The following SDHAF3 variants were observed in gnomAD, a reference collection of about 807,000 sequenced individuals.
SDHAF3 encodes the protein succinate dehydrogenase assembly factor 3, mitochondrial.
A neutral mutation model predicts 11.5 loss-of-function variants in SDHAF3; 18 were observed. The observed-to-expected ratio is 1.56, with a 90% confidence interval of 1.08 to 2.32. SDHAF3 has a LOEUF of 2.32. Among genes scored for constraint, SDHAF3 ranks in the 30% most tolerant of loss-of-function variants. The pLI, the probability that SDHAF3 is intolerant of heterozygous loss-of-function variation, is 0.00. For synonymous variants in SDHAF3, 72 were observed against 59.3 expected, an observed-to-expected ratio of 1.21 and a Z score of -0.99; for missense variants, 200 against 154.4, an observed-to-expected ratio of 1.30 and a Z score of -1.57.
intron 1 of SDHAF3, among the ~76,000 whole-genome samples, chr7:97,155,806 A>T (rs1165058130): frequency 1.3e-5 from 2 of 151,948 alleles, no homozygotes; most frequent in African/African-American, 4.8e-5. Context: ...ATATATATTT[A>T]TATATATTAT....
intron 1 of SDHAF3, among the ~76,000 whole-genome samples, chr7:97,121,583 A>G (rs970655633): frequency 6.6e-6 from 1 of 152,220 alleles, no homozygotes; most frequent in African/African-American, 2.4e-5. Context: ...GGCATTTAAG[A>G]CACAAAAATG....
intron 1 of SDHAF3, among the ~76,000 whole-genome samples, chr7:97,173,354 T>A (rs1789633649): frequency 6.6e-6 from 1 of 152,192 alleles, no homozygotes; most frequent in African/African-American, 2.4e-5. Flanking sequence ...AGAGAAAATA[T>A]AATGAACCAC....
intron 1 of SDHAF3, among the ~76,000 whole-genome samples, chr7:97,140,030 G>A (rs1789004808): frequency 6.6e-6 from 1 of 152,080 alleles, no homozygotes; most frequent in Admixed American, 6.5e-5. Flanking sequence ...TCTTTAACGT[G>A]ACATTAAAAA....
chr7:97,122,014 C>T (rs557835564), intron 1 of SDHAF3, among the ~76,000 whole-genome samples: 13 of 152,084 alleles, frequency 8.5e-5, no homozygotes, highest in East Asian at 1.9e-4. Context: ...CCCACCACTG[C>T]GCCCAGCTAA....
intron 1 of SDHAF3, among the ~76,000 whole-genome samples, chr7:97,140,262 C>T (rs906023486): frequency 2.6e-5 from 4 of 151,186 alleles, no homozygotes; most frequent in Admixed American, 2.0e-4. Context: ...GCTGTCAATT[C>T]TTAATTGATT....
intron 1 of SDHAF3, among the ~76,000 whole-genome samples, chr7:97,157,689 T>C (rs905151814): frequency 1.3e-5 from 2 of 152,056 alleles, no homozygotes; most frequent in African/African-American, 4.8e-5. Context: ...GTGGCACTAT[T>C]CACAATAGCA....
chr7:97,177,368 G>T (rs1789693434), intron 1 of SDHAF3, among the ~76,000 whole-genome samples: 1 of 151,862 alleles, frequency 6.6e-6, no homozygotes, highest in African/African-American at 2.4e-5. Context: ...TGGGCGTGAT[G>T]GTGGGCATCT....
rs557371846 is a variant in SDHAF3 at position 97,177,874 on chromosome 7, C to T, written c.175-3138C>T. Among the ~76,000 whole-genome samples the T allele has an allele frequency of 4.1e-4, 62 of 152,322 alleles. No homozygotes were observed. In the South Asian group the frequency reaches 4.6e-3, roughly 11 times the overall value. On this transcript the variant is annotated intron_variant, in intron 1 of 1. Transcript: ENST00000432641. ...ACATTTATAGTACCTGCTTTAAAAT[C>T]TATCTCTGCTTATTCTAATGTCTGA... is the stretch of plus-strand genomic sequence containing the variant.
chr7:97,147,410 TTTTG>T (rs1480564107), intron 1 of SDHAF3, among the ~76,000 whole-genome samples: 3 of 152,246 alleles, frequency 2.0e-5, no homozygotes, highest in African/African-American at 7.2e-5. Flanking sequence ...AGCTTAAGCT[TTTTG>T]TTTATTTGTC....
chr7:97,148,214 C>T (rs1015933194), intron 1 of SDHAF3, among the ~76,000 whole-genome samples: 1 of 152,110 alleles, frequency 6.6e-6, no homozygotes, highest in Non-Finnish European at 1.5e-5. Flanking sequence ...TACAATAACA[C>T]GATAACATCA....
At chr7:97,133,207 A>G (rs988490215) in intron 1 of SDHAF3, among the ~76,000 whole-genome samples, 9 of 152,198 alleles carry the variant, frequency 5.9e-5, no homozygotes, top group African/African-American at 2.2e-4. Flanking sequence ...TCTGCAGAAA[A>G]AATTTGAATA....
intron 1 of SDHAF3, among the ~76,000 whole-genome samples, chr7:97,131,635 A>G (rs1338146109): frequency 6.6e-6 from 1 of 152,194 alleles, no homozygotes; most frequent in Non-Finnish European, 1.5e-5. Context: ...GAGGTGAGTT[A>G]AACTATTGAA....
intron 1 of SDHAF3, among the ~76,000 whole-genome samples, chr7:97,160,178 CCACCCAT>C (rs1789381592): frequency 7.2e-6 from 1 of 138,776 alleles, no homozygotes; most frequent in Admixed American, 7.2e-5. Context: ...CCCTGCCCGG[CCACCCAT>C]CGTCTGGGAA....
At chr7:97,155,859 A>G (rs889899457) in intron 1 of SDHAF3, among the ~76,000 whole-genome samples, 6 of 132,560 alleles carry the variant, frequency 4.5e-5, no homozygotes, top group Admixed American at 1.7e-4. Context: ...CCGAAGCATG[A>G]TACATTACCT....
chr7:97,158,054 A>C (rs938052646), intron 1 of SDHAF3, among the ~76,000 whole-genome samples: 1 of 152,026 alleles, frequency 6.6e-6, no homozygotes, highest in Admixed American at 6.5e-5. Flanking sequence ...ATGGTGTGCC[A>C]TGAGCACACC....
In SDHAF3 at chr7:97,133,477, A is replaced by T. The variant is rs541499732; in HGVS notation, c.174+15580A>T. On this transcript the variant is annotated intron_variant, in intron 1 of 1. Coordinates refer to ENST00000432641, the MANE Select transcript of SDHAF3 (RefSeq NM_020186.3). ...TGTCTGCAGTAGAAAACATCCCTTT[A>T]GTGATTATTTTTGTGGGTCCTACAG... Among the ~76,000 whole-genome samples, 10 of 152,200 alleles carry T rather than the reference A, an allele frequency of 6.6e-5. 1 individual carries two copies. In the South Asian group the frequency reaches 2.1e-3, roughly 32 times the overall value.
At chr7:97,124,389 A>C (rs988765887) in intron 1 of SDHAF3, among the ~76,000 whole-genome samples, 1 of 152,096 alleles carries the variant, frequency 6.6e-6, no homozygotes, top group Non-Finnish European at 1.5e-5. Context: ...TCTTGTGGTA[A>C]CTGTAACCTT....
chr7:97,123,428 C>T (rs1387571476), intron 1 of SDHAF3, among the ~76,000 whole-genome samples: 1 of 152,120 alleles, frequency 6.6e-6, no homozygotes, highest in Non-Finnish European at 1.5e-5. Flanking sequence ...CAAGTCTTTG[C>T]TATTGTAAAT....
At chr7:97,168,822 T>C (rs541983797) in intron 1 of SDHAF3, among the ~76,000 whole-genome samples, 35 of 152,312 alleles carry the variant, frequency 2.3e-4, no homozygotes, top group African/African-American at 7.9e-4. Context: ...TAAATAAATA[T>C]CCTGTTCATT....
Sources: gnomAD v4.1 joint callset for allele counts (sites outside exome capture counted in the v4.1 genomes callset) on GRCh38, gnomAD v4.1.1 for gene constraint, MANE v1.5 for transcripts, NCBI Gene and HGNC (gene_info 2026-07-23, HGNC 2026-07-21) for gene names.